Variants in FARP2 observed in about 807,000 individuals in gnomAD.
FARP2 encodes the protein FERM, ARHGEF and pleckstrin domain-containing protein 2.
Under a neutral mutation model 130.5 loss-of-function variants are expected in FARP2, and 111 were observed. That is an observed-to-expected ratio of 0.85 (90% CI 0.73 to 1.00). The LOEUF (loss-of-function observed/expected upper bound fraction) is 1.00, where lower values mean the gene tolerates loss of function less well. Ranked by LOEUF, FARP2 falls within the 50% of genes least tolerant of loss-of-function variation. FARP2 has a pLI of 0.00. For missense variants in FARP2, 1,385 were observed against 1,346.3 expected (o/e 1.03, Z -0.45); for synonymous variants, 504 against 516.9 (o/e 0.98, Z 0.34).
intron 8 of FARP2, among the ~76,000 whole-genome samples, chr2:241,431,399 C>T (rs961357398): frequency 7.7e-6 from 1 of 130,330 alleles, no homozygotes; most frequent in African/African-American, 2.9e-5. Flanking sequence ...TGCTTGAGCC[C>T]AGGAGTTTGA....
rs2063856418 is a variant in FARP2 at position 241,456,859 on chromosome 2, C to T, written c.1524C>T (p.Leu508=). Residue 508 remains leucine (L), a synonymous_variant, in exon 14 of 27, where the codon CTC becomes CTT. Coordinates refer to ENST00000264042, the MANE Select transcript of FARP2 (RefSeq NM_014808.4). ...CAGCTGAACAGGGCTCATCCCCACTCCTGAGCCCTGTCCTCAGTGATGCTG... is the reference window on the plus strand; with the variant it reads ...CAGCTGAACAGGGCTCATCCCCACTTCTGAGCCCTGTCCTCAGTGATGCTG... ...LGPAEQGSSP[L]LSPVLSDAGG... is the part of the protein sequence containing the mutation. 4 of 1,613,738 alleles carry T rather than the reference C, an allele frequency of 2.5e-6. No homozygotes were observed. Among genetic ancestry groups the T allele is most frequent in the East Asian group, 2.2e-5 (1 of 44,870 alleles).
intron 1 of FARP2, among the ~76,000 whole-genome samples, chr2:241,366,700 A>G (rs547802209): frequency 6.6e-6 from 1 of 152,214 alleles, no homozygotes; most frequent in South Asian, 2.1e-4. Flanking sequence ...ATTAGTAGAA[A>G]TCAAGAACAC....
At chr2:241,467,297 T>C (rs1249380055) in intron 17 of FARP2, among the ~76,000 whole-genome samples, 1 of 152,094 alleles carries the variant, frequency 6.6e-6, no homozygotes, top group African/African-American at 2.4e-5. Context: ...TAGTTTAGTT[T>C]AATATGTCTG....
intron 2 of FARP2, among the ~76,000 whole-genome samples, chr2:241,384,845 C>G (rs1033944938): frequency 2.0e-5 from 3 of 152,176 alleles, no homozygotes; most frequent in Admixed American, 2.0e-4. Context: ...TAAAAATACA[C>G]AGTGAGCTCT....
At chr2:241,439,839 T>C (rs2063336936) in intron 12 of FARP2, among the ~76,000 whole-genome samples, 1 of 151,946 alleles carries the variant, frequency 6.6e-6, no homozygotes, top group Non-Finnish European at 1.5e-5. Flanking sequence ...GCGCGTATAA[T>C]CCCAGCTACT....
intron 7 of FARP2, 110 bp downstream of exon 7, chr2:241,413,531 C>A: frequency 1.3e-6 from 1 of 778,322 alleles, no homozygotes; most frequent in Non-Finnish European, 2.1e-6. Context: ...AACATAAGGA[C>A]CATTGCTCCT....
chr2:241,371,840 AGATT>A (rs1235263703), intron 1 of FARP2, among the ~76,000 whole-genome samples: 1 of 152,158 alleles, frequency 6.6e-6, no homozygotes, highest in East Asian at 1.9e-4. Flanking sequence ...CATAAATAAT[AGATT>A]ATTAATAAAT....
chr2:241,366,127 A>ATATACG (rs2061312140), intron 1 of FARP2, among the ~76,000 whole-genome samples: 4 of 136,476 alleles, frequency 2.9e-5, no homozygotes, highest in Admixed American at 7.8e-5. Flanking sequence ...ATATACGTAT[A>ATATACG]TATATATATA....
chr2:241,363,343 G>A (rs1230794699), intron 1 of FARP2, among the ~76,000 whole-genome samples: 4 of 152,222 alleles, frequency 2.6e-5, no homozygotes, highest in Admixed American at 1.3e-4. Flanking sequence ...AACCCCAGTT[G>A]CCTTTTTATT....
At chr2:241,412,740 T>C (rs975047553) in intron 6 of FARP2, among the ~76,000 whole-genome samples, 5 of 152,182 alleles carry the variant, frequency 3.3e-5, no homozygotes, top group Non-Finnish European at 2.9e-5. Context: ...TTAAAAATAA[T>C]AGTAGTCCAG....
intron 17 of FARP2, chr2:241,466,593 A>C (rs2064175074): frequency 1.0e-6 from 1 of 985,034 alleles, no homozygotes; most frequent in Admixed American, 6.2e-5. Flanking sequence ...GTGGATGCAT[A>C]GACATCTGAG....
rs537031260 is a variant in FARP2, at chr2:241,463,894, C to T, written c.1812-5C>T. 24 of 1,613,100 alleles carry T rather than the reference C, an allele frequency of 1.5e-5. No individual in the cohort carries two copies. The African/African-American group carries it at 2.7e-4, about 18-fold the overall frequency. On this transcript the variant is annotated splice_region_variant and splice_polypyrimidine_tract_variant and intron_variant, in intron 16 of 26. Coordinates refer to ENST00000264042, the MANE Select transcript of FARP2 (RefSeq NM_014808.4). ...TTTAGGATGACTTTGTTTCTTTTTA[C>T]TCAGGGAAGGGCCCTCCAAAGCCCA... is the stretch of plus-strand genomic sequence containing the variant.
intron 1 of FARP2, among the ~76,000 whole-genome samples, chr2:241,369,416 C>T (rs562126447): frequency 6.6e-6 from 1 of 152,214 alleles, no homozygotes; most frequent in African/African-American, 2.4e-5. Context: ...TGTTCCATCC[C>T]AGTGACAGTC....
chr2:241,432,324 G>C (rs377335489), intron 9 of FARP2: 1 of 152,482 alleles, frequency 6.6e-6, no homozygotes, highest in East Asian at 1.9e-4. Context: ...TGTCACTCAC[G>C]TGTTGCTGGC....
At chr2:241,362,601 C>G (rs560213995) in intron 1 of FARP2, among the ~76,000 whole-genome samples, 1 of 151,934 alleles carries the variant, frequency 6.6e-6, no homozygotes, top group Admixed American at 6.5e-5. Flanking sequence ...GACTCCATCT[C>G]AAAAATATAT....
At chr2:241,414,326 T>G (rs939330959) in intron 7 of FARP2, among the ~76,000 whole-genome samples, 3 of 152,198 alleles carry the variant, frequency 2.0e-5, no homozygotes, top group Admixed American at 6.5e-5. Context: ...CCCAGGTGGC[T>G]GGGAGCTTTA....
At chr2:241,453,393 C>A (rs371291614) in intron 13 of FARP2, among the ~76,000 whole-genome samples, 3 of 151,458 alleles carry the variant, frequency 2.0e-5, no homozygotes, top group South Asian at 2.1e-4. Flanking sequence ...GAGGCCAAGG[C>A]GGGCAGATCA....
rs751981551 is a variant in FARP2, at chr2:241,441,537, C to A, written c.1392C>A (p.Pro464=). ...DTPSAQPLGP[P]ALQPGPGLST... ...CATCGGCCCAGCCCCTCGGGCCCCC[C>A]GCACTCCAGCCTGGTCCAGGTGTCG... The change falls in exon 13 of 27, where the codon CCC becomes CCA. Residue 464 remains proline (P), a synonymous_variant. Transcript: ENST00000264042. 3 of 1,613,948 alleles carry A rather than the reference C, an allele frequency of 1.9e-6. No individual in the cohort carries two copies. The highest frequency in any genetic ancestry group is 2.5e-6 in the Non-Finnish European group (3 of 1,180,042).
intron 13 of FARP2, among the ~76,000 whole-genome samples, chr2:241,453,559 T>C (rs1301469190): frequency 1.3e-5 from 2 of 151,492 alleles, no homozygotes; most frequent in African/African-American, 2.4e-5. Context: ...GAGGCGGAGC[T>C]TGCAGTGAGC....
Sources: gnomAD v4.1 joint callset for allele counts (sites outside exome capture counted in the v4.1 genomes callset) on GRCh38, gnomAD v4.1.1 for gene constraint, MANE v1.5 for transcripts, NCBI Gene and HGNC (gene_info 2026-07-23, HGNC 2026-07-21) for gene names.